Variants in KIAA1217 observed in about 807,000 individuals in gnomAD.
The protein encoded by KIAA1217 is sickle tail protein homolog.
KIAA1217 carries 88 observed loss-of-function variants against 163.9 expected under a neutral mutation model. The observed-to-expected ratio is 0.54, with a 90% CI of 0.45 to 0.64. The LOEUF is 0.64. KIAA1217 is among the 30% of genes least tolerant of loss of function. KIAA1217 has a pLI of 0.00. For synonymous variants in KIAA1217, 903 were observed against 923.1 expected (o/e 0.98, Z 0.39); for missense variants, 2,372 against 2,475.0 (o/e 0.96, Z 0.88).
chr10:24,402,303 G>A (rs2056620458), intron 3 of KIAA1217, among the ~76,000 whole-genome samples: 3 of 151,874 alleles, frequency 2.0e-5, no homozygotes, highest in South Asian at 4.2e-4. Context: ...TCAGGAGGTC[G>A]AGACCATCCT....
intron 2 of KIAA1217, among the ~76,000 whole-genome samples, chr10:24,240,032 T>C (rs1030630903): frequency 7.9e-5 from 12 of 152,162 alleles, no homozygotes; most frequent in African/African-American, 1.4e-4. Flanking sequence ...AAGGTAGTTT[T>C]TAAAGCATGG....
chr10:24,266,385 C>A (rs945319632), intron 2 of KIAA1217, among the ~76,000 whole-genome samples: 9 of 152,168 alleles, frequency 5.9e-5, no homozygotes, highest in African/African-American at 1.4e-4. Context: ...GACCTAAAGA[C>A]TGATCATTTT....
chr10:24,101,060 C>T (rs1264326552), intron 2 of KIAA1217, among the ~76,000 whole-genome samples: 4 of 148,620 alleles, frequency 2.7e-5, no homozygotes, highest in Non-Finnish European at 5.9e-5. Flanking sequence ...CAAAACAAAA[C>T]AAAACAAAAA....
chr10:24,346,656 C>T (rs1246230321), intron 2 of KIAA1217, among the ~76,000 whole-genome samples: 4 of 147,948 alleles, frequency 2.7e-5, no homozygotes, highest in Non-Finnish European at 4.5e-5. Flanking sequence ...CTGCAACCTC[C>T]GCCTCCTGCA....
At chr10:24,029,320 G>T (rs1398982745) in intron 2 of KIAA1217, among the ~76,000 whole-genome samples, 1 of 151,960 alleles carries the variant, frequency 6.6e-6, no homozygotes, top group Non-Finnish European at 1.5e-5. Flanking sequence ...TATCTTCATT[G>T]CCTTGTTTTG....
intron 2 of KIAA1217, among the ~76,000 whole-genome samples, chr10:24,332,557 G>A (rs1487023242): frequency 2.0e-5 from 3 of 152,058 alleles, no homozygotes; most frequent in Non-Finnish European, 4.4e-5. Flanking sequence ...TCAGACTAAT[G>A]CATCCTCTCT....
intron 5 of KIAA1217, among the ~76,000 whole-genome samples, chr10:24,460,447 T>A (rs954050614): frequency 2.6e-5 from 4 of 152,306 alleles, no homozygotes; most frequent in Middle Eastern, 3.4e-3. Flanking sequence ...AGGGCTTTTT[T>A]AATCTAGGTC....
chr10:23,884,182 C>G (rs1204096807), intron 1 of KIAA1217, among the ~76,000 whole-genome samples: 1 of 151,866 alleles, frequency 6.6e-6, no homozygotes, highest in Non-Finnish European at 1.5e-5. Context: ...TAAGAAACTA[C>G]CCAACTTTCT....
intron 1 of KIAA1217, among the ~76,000 whole-genome samples, chr10:23,700,137 G>A (rs1836333805): frequency 6.6e-6 from 1 of 152,110 alleles, no homozygotes; most frequent in East Asian, 1.9e-4. Context: ...CCTGCTCCCT[G>A]CTTCTCTCAC....
chr10:23,987,560 A>G (rs1376182047), intron 1 of KIAA1217, among the ~76,000 whole-genome samples: 1 of 152,048 alleles, frequency 6.6e-6, no homozygotes, highest in African/African-American at 2.4e-5. Context: ...GCATCACAAA[A>G]TGGCTAAATC....
chr10:24,162,787 G>A (rs562455265), intron 2 of KIAA1217, among the ~76,000 whole-genome samples: 1 of 152,284 alleles, frequency 6.6e-6, no homozygotes, highest in South Asian at 2.1e-4. Context: ...GGTGTGTGAG[G>A]CTAAAAGATC....
chr10:24,494,549 G>T lies in KIAA1217; in HGVS notation c.1729G>T (p.Val577Phe), dbSNP rs1363320430. Residue 577 changes from valine (V) to phenylalanine (F), a missense_variant, in exon 7 of 21, where the codon GTT (valine) becomes TTT (phenylalanine). This residue lies in a region of KIAA1217 where 1,431 missense variants were observed against 1,470.3 expected (regional missense o/e 0.97). Transcript: ENST00000376454. ...ACAGATTGCCAGTTTAACTGGCCTT[G>T]TTCAGTCTGCGCTTTTTAAAGGGCC... is the stretch of plus-strand genomic sequence containing the variant. ...EKQIASLTGL[V>F]QSALFKGPIT... is the part of the protein sequence containing the mutation. The T allele has an allele frequency of 6.2e-7, 1 of 1,613,988 alleles. No individual in the cohort carries two copies. Among genetic ancestry groups the T allele is most frequent in the African/African-American group, 1.3e-5 (1 of 74,906 alleles).
At chr10:24,202,847 A>G (rs936110415) in intron 2 of KIAA1217, among the ~76,000 whole-genome samples, 3 of 152,238 alleles carry the variant, frequency 2.0e-5, no homozygotes, top group East Asian at 1.9e-4. Context: ...ATGCCCCCCA[A>G]ATAATACCAG....
chr10:23,756,122 A>G (rs1046446232), intron 1 of KIAA1217, among the ~76,000 whole-genome samples: 3 of 148,998 alleles, frequency 2.0e-5, no homozygotes, highest in African/African-American at 7.5e-5. Context: ...ACACCCGGCT[A>G]ATTTTCTTTT....
chr10:24,352,744 G>A (rs1264018428), intron 2 of KIAA1217, among the ~76,000 whole-genome samples: 2 of 152,124 alleles, frequency 1.3e-5, no homozygotes, highest in African/African-American at 2.4e-5. Flanking sequence ...GAGGGGCTGG[G>A]GAGACCATGT....
At chr10:24,311,142 G>A (rs17383946) in intron 2 of KIAA1217, among the ~76,000 whole-genome samples, 5,707 of 152,270 alleles carry the variant, frequency 0.037, 142 homozygotes, top group Middle Eastern at 0.054. Flanking sequence ...TGGACCCCAG[G>A]CCGTAGGAGG....
At chr10:23,850,159 A>G (rs1839241080) in intron 1 of KIAA1217, among the ~76,000 whole-genome samples, 1 of 152,110 alleles carries the variant, frequency 6.6e-6, no homozygotes, top group Non-Finnish European at 1.5e-5. Flanking sequence ...CAGGTGCCTT[A>G]TTGTTCTAAC....
chr10:23,810,912 T>C (rs1472254178), intron 1 of KIAA1217, among the ~76,000 whole-genome samples: 3 of 120,038 alleles, frequency 2.5e-5, no homozygotes, highest in Non-Finnish European at 4.8e-5. Context: ...ATACTCTATA[T>C]AGTATAATAA....
chr10:24,416,822 G>A (rs771513142), intron 3 of KIAA1217, among the ~76,000 whole-genome samples: 1 of 152,076 alleles, frequency 6.6e-6, no homozygotes, highest in Non-Finnish European at 1.5e-5. Flanking sequence ...ACACGGGCAG[G>A]TTCCCTCCAT....
Sources: allele counts gnomAD v4.1 joint callset (sites outside exome capture counted in the v4.1 genomes callset), GRCh38; gene constraint gnomAD v4.1.1; regional missense constraint gnomAD v4.1.1; transcripts MANE v1.5; gene names NCBI Gene and HGNC (gene_info 2026-07-23, HGNC 2026-07-21).